Variants in GYPB observed in about 807,000 individuals in gnomAD.
GYPB encodes the protein glycophorin B (MNS blood group).
A neutral mutation model predicts 15.3 loss-of-function variants in GYPB; 13 were observed. That is an observed-to-expected ratio of 0.85 (90% CI 0.55 to 1.35). GYPB has a LOEUF of 1.35. Among genes scored for constraint, GYPB ranks in the 40% most tolerant of loss-of-function variants. The probability of loss-of-function intolerance (pLI) is 0.00; values close to 1 mark genes in which losing one functional copy is unlikely to be tolerated. For synonymous variants in GYPB, 38 were observed against 36.9 expected, an observed-to-expected ratio of 1.03 and a Z score of -0.11; for missense variants, 131 against 108.3, an observed-to-expected ratio of 1.21 and a Z score of -0.93.
chr4:144,009,601 CTTTTTTTTTTTTTTTTT>C (rs55807150), intron 1 of GYPB, among the ~76,000 whole-genome samples: 3 of 57,782 alleles, frequency 5.2e-5, no homozygotes, highest in Admixed American at 3.3e-4. Context: ...TTTTTTCTTT[CTTTTTTTTTTTTTTTTT>C]TTTTTTTTTT....
At chr4:144,015,896 T>C (rs6537240) in intron 1 of GYPB, among the ~76,000 whole-genome samples, 7 of 150,506 alleles carry the variant, frequency 4.7e-5, no homozygotes, top group Non-Finnish European at 7.4e-5. Flanking sequence ...GGCCCACAGG[T>C]GTTAAATGAT....
chr4:144,008,744 A>G (rs1728060067), intron 1 of GYPB, among the ~76,000 whole-genome samples: 1 of 151,468 alleles, frequency 6.6e-6, no homozygotes, highest in Non-Finnish European at 1.5e-5. Context: ...TTCTCACACC[A>G]CTGGTACTTC....
At chr4:144,007,843 G>A (rs1283769107) in intron 1 of GYPB, among the ~76,000 whole-genome samples, 2 of 151,146 alleles carry the variant, frequency 1.3e-5, no homozygotes, top group Admixed American at 6.6e-5. Context: ...TCACCATATT[G>A]CCCATACTAG....
At chr4:144,017,127 C>T (rs993121935) in intron 1 of GYPB, among the ~76,000 whole-genome samples, 10 of 150,836 alleles carry the variant, frequency 6.6e-5, no homozygotes, top group Admixed American at 5.9e-4. Flanking sequence ...ATTTTTCTTC[C>T]TGCCCTGGGC....
At position 144,006,267 on chromosome 4, in the gene GYPB, G is replaced by A. The variant is rs1368394532; in HGVS notation, c.38-4984C>T. Among the ~76,000 whole-genome samples, 8 of 151,940 alleles carry A rather than the reference G, an allele frequency of 5.3e-5. No individual in the cohort carries two copies. In the East Asian group the frequency reaches 1.3e-3, roughly 26 times the overall value. ...AAATTTGTGTTTGGCTCATCTCACAGCTTATACTTGTATAACATCGGATAT... is the reference window on the plus strand; with the variant it reads ...AAATTTGTGTTTGGCTCATCTCACAACTTATACTTGTATAACATCGGATAT... On this transcript the variant is annotated intron_variant, in intron 1 of 4. Transcript: ENST00000502664.
intron 4 of GYPB, 41 bp downstream of exon 4, chr4:143,997,499 C>A (rs757923240): frequency 9.1e-7 from 1 of 1,101,280 alleles, no homozygotes; most frequent in African/African-American, 1.6e-5. Context: ...TAGAGCTGTT[C>A]ACACTGGTAT....
At chr4:144,002,573 T>G in intron 1 of GYPB, 1 of 1,283,268 alleles carries the variant, frequency 7.8e-7, no homozygotes, top group Non-Finnish European at 1.0e-6. Flanking sequence ...AGATGTACCT[T>G]TGCTCATCTC....
chr4:143,996,100 T>G, downstream of GYPB: 1 of 1,372,998 alleles, frequency 7.3e-7, no homozygotes, highest in East Asian at 2.5e-5. Flanking sequence ...CTATAATACA[T>G]GAAAACGGTT....
intron 1 of GYPB, among the ~76,000 whole-genome samples, chr4:144,018,877 C>T (rs1256899359): frequency 6.6e-6 from 1 of 151,290 alleles, no homozygotes; most frequent in African/African-American, 2.5e-5. Context: ...AGCCATATAG[C>T]TACCAACACC....
At chr4:143,997,443 C>G (rs1727380448) in intron 4 of GYPB, 97 bp downstream of exon 4, 1 of 727,498 alleles carries the variant, frequency 1.4e-6, no homozygotes, top group African/African-American at 1.8e-5. Flanking sequence ...TTATGCAGTT[C>G]TGTTTCTCTT....
In GYPB at chr4:143,996,234, A is replaced by G. The variant is rs1727301120; in HGVS notation, c.*65T>C. The G allele has an allele frequency of 1.5e-5, 24 of 1,550,016 alleles. No individual in the cohort carries two copies. The highest frequency in any genetic ancestry group is 2.1e-5 in the Non-Finnish European group (24 of 1,146,638). Reference sequence around the variant, plus strand: ...GGAATAGCAGGTGCAGCCAGTTTGCATAAACAAGAGAACAGCAGGTGCAGC... The same window carrying G: ...GGAATAGCAGGTGCAGCCAGTTTGCGTAAACAAGAGAACAGCAGGTGCAGC... On this transcript the variant is annotated 3_prime_UTR_variant, in exon 5 of 5. Coordinates refer to ENST00000502664, the MANE Select transcript of GYPB (RefSeq NM_002100.6).
intron 1 of GYPB, among the ~76,000 whole-genome samples, chr4:144,005,284 C>T (rs1727848087): frequency 6.6e-6 from 1 of 151,952 alleles, no homozygotes; most frequent in African/African-American, 2.4e-5. Flanking sequence ...TGCTGACCCC[C>T]AATATTAGTC....
In GYPB at chr4:143,999,677, G is replaced by A. The variant is rs138688651; in HGVS notation, c.137-228C>T. Among the ~76,000 whole-genome samples, 130 of 151,450 alleles carry A rather than the reference G, an allele frequency of 8.6e-4. 6 individuals carry two copies. The highest frequency in any genetic ancestry group is 3.0e-3 in the African/African-American group (121 of 40,774). On this transcript the variant is annotated intron_variant, in intron 2 of 4. Coordinates refer to ENST00000502664, the MANE Select transcript of GYPB (RefSeq NM_002100.6). The stretch of plus-strand genomic sequence containing the variant: ...TGACCCAACACGTATTCATGGATGA[G>A]AAATAAGCAAATTGTCTCATAACTG...
chr4:144,001,417 A>C (rs1413605376), intron 1 of GYPB, 134 bp from the exon 2 acceptor site: 8 of 1,492,394 alleles, frequency 5.4e-6, no homozygotes, highest in Non-Finnish European at 7.3e-6. Flanking sequence ...TATCTTACAT[A>C]ATCTTTAGAG....
chr4:144,015,761 C>T (rs968627992), intron 1 of GYPB, among the ~76,000 whole-genome samples: 2 of 151,206 alleles, frequency 1.3e-5, no homozygotes, highest in African/African-American at 2.5e-5. Flanking sequence ...AATATATTTA[C>T]AGGTTTGGCA....
chr4:144,004,369 A>C (rs1217494114), intron 1 of GYPB, among the ~76,000 whole-genome samples: 4 of 151,962 alleles, frequency 2.6e-5, no homozygotes, highest in African/African-American at 9.7e-5. Flanking sequence ...AGGAATTAAT[A>C]CCCATGCTTG....
intron 1 of GYPB, among the ~76,000 whole-genome samples, chr4:144,009,705 C>A (rs1441143353): frequency 1.5e-5 from 2 of 131,184 alleles, no homozygotes; most frequent in Non-Finnish European, 3.1e-5. Flanking sequence ...ACTCCGCCTC[C>A]CGGGTTCACT....
downstream of GYPB, among the ~76,000 whole-genome samples, chr4:143,995,849 C>T (rs1727285938): frequency 6.6e-6 from 1 of 151,316 alleles, no homozygotes; most frequent in South Asian, 2.1e-4. Context: ...TTTTAAATTA[C>T]AGTGCCGTTT....
intron 1 of GYPB, among the ~76,000 whole-genome samples, chr4:144,008,664 A>C (rs946964446): frequency 1.3e-5 from 2 of 151,602 alleles, no homozygotes; most frequent in African/African-American, 4.9e-5. Context: ...CACACACATT[A>C]AATTTGGGCT....
Sources: gnomAD v4.1 joint callset for allele counts (sites outside exome capture counted in the v4.1 genomes callset) on GRCh38, gnomAD v4.1.1 for gene constraint, MANE v1.5 for transcripts, NCBI Gene and HGNC (gene_info 2026-07-23, HGNC 2026-07-21) for gene names.